RGS6: variants seen among roughly 807,000 people sequenced by gnomAD.
RGS6 encodes the protein regulator of G-protein signaling 6.
A neutral mutation model predicts 78.5 loss-of-function variants in RGS6; 30 were observed. The observed-to-expected ratio is 0.38, with a 90% CI of 0.29 to 0.52. The LOEUF is 0.52. Among genes scored for constraint, RGS6 ranks in the 20% least tolerant of loss-of-function variants. RGS6 has a pLI of 0.85. For missense variants in RGS6, 495 were observed against 609.7 expected (o/e 0.81, Z 1.98); for synonymous variants, 206 against 206.0 (o/e 1.00, Z 0.00).
chr14:72,491,953 G>A (rs942164785), intron 12 of RGS6, among the ~76,000 whole-genome samples: 2 of 152,134 alleles, frequency 1.3e-5, no homozygotes, highest in Non-Finnish European at 2.9e-5. Flanking sequence ...ACCACTGCAG[G>A]AGATGGGCAG....
intron 13 of RGS6, 34 bp from the exon 14 acceptor site, chr14:72,510,120 G>C (rs1397183391): frequency 1.3e-6 from 2 of 1,550,130 alleles, no homozygotes; most frequent in East Asian, 4.5e-5. Context: ...CTCTGGTATT[G>C]ATCTTCTTTA....
intron 2 of RGS6, among the ~76,000 whole-genome samples, chr14:71,975,805 A>G (rs886867089): frequency 6.6e-6 from 1 of 152,074 alleles, no homozygotes; most frequent in African/African-American, 2.4e-5. Context: ...GTTTATGCCT[A>G]GTTTTCTCAT....
chr14:72,260,950 G>A lies in RGS6; in HGVS notation c.85-91145G>A, dbSNP rs1378882482. On this transcript the variant is annotated intron_variant, in intron 2 of 17. Transcript: ENST00000553525. Reference sequence around the variant, plus strand: ...ACATCAGGAAAGGTAGAGAGTTTGAGCAATTGTTGCTGGTTCCTTGTCCAG... The same window carrying A: ...ACATCAGGAAAGGTAGAGAGTTTGAACAATTGTTGCTGGTTCCTTGTCCAG... Among the ~76,000 whole-genome samples the A allele has an allele frequency of 2.0e-5, 3 of 152,214 alleles. No homozygotes were observed. In the East Asian group the frequency reaches 5.8e-4, roughly 29 times the overall value.
intron 2 of RGS6, among the ~76,000 whole-genome samples, chr14:72,326,999 G>A (rs12435357): frequency 0.098 from 14,981 of 152,238 alleles, 1,088 homozygotes; most frequent in Middle Eastern, 0.25. Context: ...GAGCCGTTGC[G>A]CCCGGCCAGG....
At chr14:71,981,341 C>G (rs1379380864) in intron 2 of RGS6, among the ~76,000 whole-genome samples, 2 of 152,182 alleles carry the variant, frequency 1.3e-5, no homozygotes, top group African/African-American at 4.8e-5. Context: ...AGGCGCTCTG[C>G]TTTTTAGAGT....
intron 17 of RGS6, among the ~76,000 whole-genome samples, chr14:72,548,342 T>TGTGTGTGTGTGCGCAC (rs796698263): frequency 7.4e-6 from 1 of 134,744 alleles, no homozygotes; most frequent in Non-Finnish European, 1.5e-5. Flanking sequence ...TGTGTGTGTG[T>TGTGTGTGTGTGCGCAC]GCGCGCGTGT....
chr14:72,362,388 A>C (rs1410012762), intron 3 of RGS6, among the ~76,000 whole-genome samples: 24 of 152,208 alleles, frequency 1.6e-4, no homozygotes, highest in Admixed American at 1.5e-3. Context: ...AATTGCTTAC[A>C]ACTACAGTGA....
intron 2 of RGS6, among the ~76,000 whole-genome samples, chr14:72,266,820 G>C (rs1157879601): frequency 6.6e-6 from 1 of 152,170 alleles, no homozygotes; most frequent in Non-Finnish European, 1.5e-5. Flanking sequence ...TCAAGGCTAA[G>C]ACCAGGAGTG....
rs751624395 is a variant in RGS6 at position 71,936,015 on chromosome 14, G to GAGATATATATATATATATAT, written c.-21+3075_-21+3076insGATATATATATATATATATA. Among the ~76,000 whole-genome samples the GAGATATATATATATATATAT allele has an allele frequency of 1.8e-3, 117 of 63,710 alleles. 1 individual carries two copies. Among genetic ancestry groups the GAGATATATATATATATATAT allele is most frequent in the African/African-American group, 5.5e-3 (105 of 19,060 alleles). The allele number at this position is 63,710 out of a possible 152,430, so 41.8% of individuals were successfully genotyped here. On this transcript the variant is annotated intron_variant, in intron 1 of 17. Transcript: ENST00000553525. ...TCTCTTAGAGGGACAGAACTAATAG[G>GAGATATATATATATATATAT]ATATATATATATATATATATATATA...
chr14:72,521,473 G>A (rs1230901427), intron 15 of RGS6, among the ~76,000 whole-genome samples: 1 of 152,170 alleles, frequency 6.6e-6, no homozygotes, highest in African/African-American at 2.4e-5. Flanking sequence ...ATATTGACAA[G>A]TATCTCAATA....
At chr14:72,051,933 A>G (rs868710712) in intron 2 of RGS6, among the ~76,000 whole-genome samples, 6 of 152,134 alleles carry the variant, frequency 3.9e-5, no homozygotes, top group Non-Finnish European at 8.8e-5. Flanking sequence ...TCCTCTATAG[A>G]TTCTAGTCTA....
chr14:72,567,274 C>G (rs2097714507), downstream of RGS6, among the ~76,000 whole-genome samples: 1 of 152,192 alleles, frequency 6.6e-6, no homozygotes, highest in African/African-American at 2.4e-5. Context: ...AAGATCAAGT[C>G]ACATCTGCCT....
intron 17 of RGS6, among the ~76,000 whole-genome samples, chr14:72,555,905 AGT>A (rs1053296561): frequency 2.0e-5 from 3 of 152,170 alleles, no homozygotes; most frequent in African/African-American, 2.4e-5. Flanking sequence ...CTGTGTACCT[AGT>A]GGGGGACCAT....
chr14:71,896,715 T>C, the RGS6 span, among the ~76,000 whole-genome samples: 11 of 152,222 alleles, frequency 7.2e-5, no homozygotes, highest in African/African-American at 2.2e-4. Flanking sequence ...AAGTAGCTTA[T>C]GCAATTCATC....
intron 17 of RGS6, chr14:72,541,135 C>T: frequency 7.3e-7 from 1 of 1,370,082 alleles, no homozygotes; most frequent in Non-Finnish European, 9.7e-7. Flanking sequence ...GGGAGCTGGC[C>T]ACATTCCCTT....
At chr14:72,079,442 A>G (rs1046208341) in intron 2 of RGS6, among the ~76,000 whole-genome samples, 5 of 152,138 alleles carry the variant, frequency 3.3e-5, no homozygotes, top group African/African-American at 1.2e-4. Context: ...ATATTTATGT[A>G]TACAACATGA....
intron 2 of RGS6, among the ~76,000 whole-genome samples, chr14:72,328,792 C>G (rs1467761579): frequency 6.6e-6 from 1 of 152,158 alleles, no homozygotes; most frequent in Non-Finnish European, 1.5e-5. Context: ...GCTATTCTCC[C>G]AAAATACATT....
At chr14:71,982,586 C>G (rs1459357857) in intron 2 of RGS6, among the ~76,000 whole-genome samples, 1 of 152,176 alleles carries the variant, frequency 6.6e-6, no homozygotes, top group Non-Finnish European at 1.5e-5. Flanking sequence ...CCTGGGTGCC[C>G]CTCCTCCTTG....
chr14:72,547,008 G>T (rs1598981812), intron 17 of RGS6: 1 of 647,182 alleles, frequency 1.5e-6, no homozygotes, highest in East Asian at 2.7e-5. Context: ...TCAGACCCCA[G>T]TGCCATCCTC....
Sources: gnomAD v4.1 joint callset for allele counts (sites outside exome capture counted in the v4.1 genomes callset) on GRCh38, gnomAD v4.1.1 for gene constraint, MANE v1.5 for transcripts, NCBI Gene and HGNC (gene_info 2026-07-23, HGNC 2026-07-21) for gene names.